Variants in RPRD1A observed in about 807,000 individuals in gnomAD.
RPRD1A encodes regulation of nuclear pre-mRNA domain containing 1A, also known as regulation of nuclear pre-mRNA domain-containing protein 1A.
Under a neutral mutation model 37.8 loss-of-function variants are expected in RPRD1A, and 9 were observed. The ratio of observed to expected loss-of-function variants is 0.24; its 90% CI spans 0.14 to 0.42. RPRD1A has a LOEUF of 0.42. Among genes scored for constraint, RPRD1A ranks in the 10% least tolerant of loss-of-function variants. The probability of loss-of-function intolerance (pLI) is 1.00; values close to 1 mark genes in which losing one functional copy is unlikely to be tolerated. For synonymous variants in RPRD1A, 138 were observed against 139.7 expected (o/e 0.99, Z 0.08); for missense variants, 255 against 371.0 (o/e 0.69, Z 2.57).
chr18:36,010,314 T>C (rs541082323), intron 6 of RPRD1A, among the ~76,000 whole-genome samples: 3 of 150,754 alleles, frequency 2.0e-5, no homozygotes, highest in African/African-American at 7.3e-5. Flanking sequence ...ATAAAAAAAA[T>C]AAAAAATAAA....
intron 1 of RPRD1A, among the ~76,000 whole-genome samples, chr18:36,042,872 C>T (rs1261248295): frequency 1.3e-5 from 2 of 152,080 alleles, no homozygotes; most frequent in East Asian, 1.9e-4. Flanking sequence ...CTCAGAAAAA[C>T]GACTTGGCAA....
intron 6 of RPRD1A, among the ~76,000 whole-genome samples, chr18:36,000,811 G>T (rs939321489): frequency 1.3e-5 from 2 of 152,128 alleles, no homozygotes; most frequent in Non-Finnish European, 1.5e-5. Context: ...GCAAAAGGGG[G>T]CTCCAACTTA....
Position 36,060,964 on chromosome 18 carries a change from T to TA in RPRD1A, c.151+6289dup, listed in dbSNP as rs879917323. On this transcript the variant is annotated intron_variant, in intron 1 of 6. Transcript: ENST00000399022. ...GGCAACATAGTGAGACACTGTCTCA[T>TA]AAAAAAAAAAAAATTTAGGAAACAA... is the stretch of plus-strand genomic sequence containing the variant. 8.5e-3 allele frequency among the ~76,000 whole-genome samples: 1,225 copies of TA among 143,406 alleles called. 18 individuals carry two copies. Among genetic ancestry groups the TA allele is most frequent in the African/African-American group, 0.026 (1,025 of 39,298 alleles). The allele number at this position is 143,406 out of a possible 152,430, so 94.1% of individuals were successfully genotyped here. A position where few individuals can be genotyped will look rare whatever the true frequency, so the allele number is the denominator to read the frequency against.
intron 6 of RPRD1A, among the ~76,000 whole-genome samples, chr18:36,008,589 A>ATATATATATATATATCTATATC (rs71381561): frequency 1.1e-5 from 1 of 90,826 alleles, no homozygotes; most frequent in Non-Finnish European, 2.2e-5. Flanking sequence ...ATATATATAT[A>ATATATATATATATATCTATATC]TCTTTAAAAA....
At chr18:36,024,059 G>T (rs1204306343) in intron 6 of RPRD1A, among the ~76,000 whole-genome samples, 9 of 152,050 alleles carry the variant, frequency 5.9e-5, no homozygotes, top group Admixed American at 5.9e-4. Flanking sequence ...CTTCATAATG[G>T]TAAAATGATT....
intron 6 of RPRD1A, among the ~76,000 whole-genome samples, chr18:36,022,436 T>C (rs1199442975): frequency 1.3e-5 from 2 of 152,148 alleles, no homozygotes; most frequent in Non-Finnish European, 2.9e-5. Context: ...GAGAAATAAA[T>C]GCCTGCCTTC....
chr18:36,027,030 C>A lies in RPRD1A; in HGVS notation c.659G>T (p.Cys220Phe). 1 of 1,614,028 alleles carries A rather than the reference C, an allele frequency of 6.2e-7. No homozygotes were observed. Among genetic ancestry groups the A allele is most frequent in the East Asian group, 2.2e-5 (1 of 44,870 alleles). ...ERLSKMVEDACMLLADYNGRL... is the reference protein window; with the variant it reads ...ERLSKMVEDAFMLLADYNGRL... ...GCCATTGTAATCTGCCAGCAACATA[C>A]ACGCATCCTCTACCATTTTGGAAAG... The change falls in exon 6 of 7, where the codon TGT (cysteine) becomes TTT (phenylalanine). Residue 220 changes from cysteine (C) to phenylalanine (F), a missense_variant. Cys to Phe is a radical substitution (Grantham distance 205). Coordinates refer to ENST00000399022, the MANE Select transcript of RPRD1A (RefSeq NM_018170.5).
chr18:36,033,643 T>C, intron 2 of RPRD1A, 65 bp downstream of exon 2: 2 of 1,407,842 alleles, frequency 1.4e-6, no homozygotes, highest in South Asian at 1.7e-5. Context: ...TTAAGGCAAA[T>C]TTTAGCAAAA....
rs1006327413 is a variant in RPRD1A at position 36,067,529 on chromosome 18, T to G, written c.-125A>C. On this transcript the variant is annotated 5_prime_UTR_variant, in exon 1 of 7. Coordinates refer to ENST00000399022, the MANE Select transcript of RPRD1A (RefSeq NM_018170.5). Reference sequence around the variant, plus strand: ...CCACGCTCTCACCACGGCCGCCGCTTCATCCAAGACCGGCCGCAAACCAGC... The same window carrying G: ...CCACGCTCTCACCACGGCCGCCGCTGCATCCAAGACCGGCCGCAAACCAGC... 1 of 1,044,374 alleles carries G rather than the reference T, an allele frequency of 9.6e-7. No individual in the cohort carries two copies. The highest frequency in any genetic ancestry group is 1.7e-5 in the South Asian group (1 of 60,506). 64.7% of individuals were successfully genotyped at this position (1,044,374 alleles called of 1,614,324 possible).
Position 36,040,995 on chromosome 18 carries a change from T to A in RPRD1A, c.152-7158A>T, listed in dbSNP as rs988374828. The A allele has an allele frequency of 5.4e-6, 3 of 552,484 alleles. No homozygotes were observed. The African/African-American group carries it at 5.9e-5, about 11-fold the overall frequency. The allele number at this position is 552,484 out of a possible 1,614,324, so 34.2% of individuals were successfully genotyped here. ...TCAGGTGGAAAAAAAGAATTCCCCA[T>A]TAGAGTTTAATGCAGAATACTACTA... On this transcript the variant is annotated intron_variant, in intron 1 of 6. Transcript: ENST00000399022.
At position 36,008,577 on chromosome 18, in the gene RPRD1A, G is replaced by GTGTGTGTGTATATATATATATATATA; in HGVS notation, c.790-15278_790-15277insTATATATATATATATATACACACACA. ...GGCGACACAGCAAGACCTTGTGTGT[G>GTGTGTGTGTATATATATATATATATA]TATATATATATATCTTTAAAAATCT... On this transcript the variant is annotated intron_variant, in intron 6 of 6. Transcript: ENST00000399022. Among the ~76,000 whole-genome samples, 74 of 47,790 alleles carry GTGTGTGTGTATATATATATATATATA rather than the reference G, an allele frequency of 1.5e-3. 1 individual carries two copies. Among genetic ancestry groups the GTGTGTGTGTATATATATATATATATA allele is most frequent in the African/African-American group, 2.2e-3 (32 of 14,816 alleles). The allele number at this position is 47,790 out of a possible 152,430, so 31.4% of individuals were successfully genotyped here. A position where few individuals can be genotyped will look rare whatever the true frequency, so the allele number is the denominator to read the frequency against.
chr18:36,018,759 G>A (rs1393056582), intron 6 of RPRD1A, among the ~76,000 whole-genome samples: 1 of 152,064 alleles, frequency 6.6e-6, no homozygotes, highest in African/African-American at 2.4e-5. Context: ...AGTATTAATA[G>A]AAAGAATATG....
chr18:36,003,831 C>T (rs930082585), intron 6 of RPRD1A, among the ~76,000 whole-genome samples: 1 of 151,932 alleles, frequency 6.6e-6, no homozygotes, highest in Non-Finnish European at 1.5e-5. Flanking sequence ...AAAAGTCTCA[C>T]TCTGTTGCCC....
intron 6 of RPRD1A, among the ~76,000 whole-genome samples, chr18:36,018,138 C>G (rs191488424): frequency 2.7e-4 from 41 of 152,262 alleles, no homozygotes; most frequent in Middle Eastern, 6.8e-3. Context: ...ATGATTTAAC[C>G]AATTATGTTG....
At chr18:36,062,547 A>G (rs1380440269) in intron 1 of RPRD1A, among the ~76,000 whole-genome samples, 1 of 152,120 alleles carries the variant, frequency 6.6e-6, no homozygotes, top group African/African-American at 2.4e-5. Flanking sequence ...ACGTCTATCA[A>G]CTGATGAATG....
At chr18:36,055,947 A>T (rs1913737402) in intron 1 of RPRD1A, among the ~76,000 whole-genome samples, 2 of 152,206 alleles carry the variant, frequency 1.3e-5, no homozygotes, top group African/African-American at 4.8e-5. Flanking sequence ...TGAACTTTTC[A>T]CAAAATTGTG....
intron 1 of RPRD1A, among the ~76,000 whole-genome samples, chr18:36,048,980 C>T (rs578081059): frequency 6.6e-6 from 1 of 152,326 alleles, no homozygotes; most frequent in Non-Finnish European, 1.5e-5. Flanking sequence ...CAGCTCACTG[C>T]AACCTCCGCC....
rs192505864 is a variant in RPRD1A at position 36,063,378 on chromosome 18, C to T, written c.151+3876G>A. Among the ~76,000 whole-genome samples, 487 of 152,194 alleles carry T rather than the reference C, an allele frequency of 3.2e-3. 1 individual carries two copies. The highest frequency in any genetic ancestry group is 4.8e-3 in the Non-Finnish European group (325 of 68,000). The stretch of plus-strand genomic sequence containing the variant: ...AGACAGGGTTTTGCCATGTTGACCA[C>T]GCTGGTCTCGAACACCTGAGCTCTG... On this transcript the variant is annotated intron_variant, in intron 1 of 6. Transcript: ENST00000399022.
At chr18:36,042,839 T>C (rs1836490454) in intron 1 of RPRD1A, among the ~76,000 whole-genome samples, 1 of 152,148 alleles carries the variant, frequency 6.6e-6, no homozygotes, top group South Asian at 2.1e-4. Flanking sequence ...CACTGGTGGT[T>C]AAATCATAAA....
Sources: gnomAD v4.1 joint callset for allele counts (sites outside exome capture counted in the v4.1 genomes callset) on GRCh38, gnomAD v4.1.1 for gene constraint, MANE v1.5 for transcripts, NCBI Gene and HGNC (gene_info 2026-07-23, HGNC 2026-07-21) for gene names.